LYPD6: variants seen among roughly 807,000 people sequenced by gnomAD.
LYPD6 encodes ly6/PLAUR domain-containing protein 6.
A neutral mutation model predicts 22.7 loss-of-function variants in LYPD6; 15 were observed. The ratio of observed to expected loss-of-function variants is 0.66; its 90% CI spans 0.44 to 1.02. LYPD6 has a LOEUF of 1.02. Ranked by LOEUF, LYPD6 falls within the 50% of genes least tolerant of loss-of-function variation. The probability of loss-of-function intolerance (pLI) is 0.00; values close to 1 mark genes in which losing one functional copy is unlikely to be tolerated. For synonymous variants in LYPD6, 72 were observed against 77.5 expected, an observed-to-expected ratio of 0.93 and a Z score of 0.37; for missense variants, 189 against 208.4, an observed-to-expected ratio of 0.91 and a Z score of 0.57.
rs115999921 is a variant in LYPD6, at chr2:149,376,111, C to G, written c.-72+45389C>G. Among the ~76,000 whole-genome samples, 904 of 152,268 alleles carry G rather than the reference C, an allele frequency of 5.9e-3. 5 individuals carry two copies. Among genetic ancestry groups the G allele is most frequent in the African/African-American group, 0.021 (862 of 41,550 alleles). The stretch of plus-strand genomic sequence containing the variant: ...CATGGAAACCGCCTCAGAGCTGAAA[C>G]AACAGAAGCTGAAGTTGAGCAGTGT... On this transcript the variant is annotated intron_variant, in intron 1 of 4. Transcript: ENST00000334166.
chr2:149,415,290 A>G (rs1056013135), intron 1 of LYPD6, among the ~76,000 whole-genome samples: 3 of 152,200 alleles, frequency 2.0e-5, no homozygotes, highest in African/African-American at 7.2e-5. Flanking sequence ...TCTCGTCCTT[A>G]GACTGGCTGC....
chr2:149,400,922 A>G (rs778804492), intron 1 of LYPD6, among the ~76,000 whole-genome samples: 2 of 152,240 alleles, frequency 1.3e-5, no homozygotes, highest in Non-Finnish European at 2.9e-5. Flanking sequence ...AGCTGAAAGC[A>G]GGTATGAAAG....
At chr2:149,453,595 A>C (rs1172834253) in intron 3 of LYPD6, among the ~76,000 whole-genome samples, 1 of 152,230 alleles carries the variant, frequency 6.6e-6, no homozygotes, top group African/African-American at 2.4e-5. Flanking sequence ...AAAGTAAAGA[A>C]AAAGCTGGAC....
intron 1 of LYPD6, among the ~76,000 whole-genome samples, chr2:149,422,229 C>T (rs1395336692): frequency 6.6e-6 from 1 of 152,158 alleles, no homozygotes; most frequent in Non-Finnish European, 1.5e-5. Flanking sequence ...GCCCTTTAAA[C>T]TAGAGGTTTT....
intron 1 of LYPD6, among the ~76,000 whole-genome samples, chr2:149,412,491 A>G (rs141023565): frequency 3.3e-5 from 5 of 151,948 alleles, no homozygotes; most frequent in Non-Finnish European, 7.4e-5. Flanking sequence ...ATTTTTTTTA[A>G]TACAGATTTT....
At chr2:149,379,873 A>G (rs75860931) in intron 1 of LYPD6, among the ~76,000 whole-genome samples, 4,903 of 152,372 alleles carry the variant, frequency 0.032, 118 homozygotes, top group East Asian at 0.053. Flanking sequence ...AATCTGCAGC[A>G]TGGGTGAAAC....
intron 1 of LYPD6, among the ~76,000 whole-genome samples, chr2:149,382,046 C>T (rs1249800942): frequency 6.6e-6 from 1 of 152,110 alleles, no homozygotes; most frequent in East Asian, 1.9e-4. Flanking sequence ...TTGAGTTTCA[C>T]CATTTTTCAG....
rs191920608 is a variant in LYPD6, at chr2:149,345,240, T to C, written c.-72+14518T>C. Among the ~76,000 whole-genome samples, 1,330 of 152,196 alleles carry C rather than the reference T, an allele frequency of 8.7e-3. 5 individuals carry two copies. The highest frequency in any genetic ancestry group is 0.014 in the Admixed American group (212 of 15,280). ...ATCTACAGGTAACCTACAGGTAATC[T>C]ATAGCAGACATCTTACTGTAGGCTA... On this transcript the variant is annotated intron_variant, in intron 1 of 4. Transcript: ENST00000334166.
At chr2:149,377,325 A>T (rs1379934736) in intron 1 of LYPD6, among the ~76,000 whole-genome samples, 1 of 150,984 alleles carries the variant, frequency 6.6e-6, no homozygotes, top group East Asian at 1.9e-4. Flanking sequence ...AAAAAAAAAC[A>T]CAACTGCCAA....
At chr2:149,383,512 A>G (rs557918483) in intron 1 of LYPD6, among the ~76,000 whole-genome samples, 3 of 152,270 alleles carry the variant, frequency 2.0e-5, no homozygotes, top group African/African-American at 7.2e-5. Context: ...GTACAGTCCA[A>G]AGATGAAACT....
At chr2:149,476,642 G>T (rs1342819009), downstream of LYPD6, among the ~76,000 whole-genome samples, 1 of 152,208 alleles carries the variant, frequency 6.6e-6, no homozygotes, top group Admixed American at 6.5e-5. Context: ...GATGCAAAGA[G>T]AAGGGCTAAA....
chr2:149,413,790 G>T (rs1682902982), intron 1 of LYPD6, among the ~76,000 whole-genome samples: 1 of 152,186 alleles, frequency 6.6e-6, no homozygotes, highest in Non-Finnish European at 1.5e-5. Context: ...CCTGGCAATT[G>T]ATTTGCTATG....
chr2:149,409,739 C>CA (rs1199887207), intron 1 of LYPD6, among the ~76,000 whole-genome samples: 1 of 152,072 alleles, frequency 6.6e-6, no homozygotes, highest in Non-Finnish European at 1.5e-5. Context: ...AGAAAGCTGG[C>CA]AGTCACTGGC....
intron 1 of LYPD6, among the ~76,000 whole-genome samples, chr2:149,371,505 G>A (rs1681808882): frequency 6.6e-6 from 1 of 152,220 alleles, no homozygotes; most frequent in Admixed American, 6.5e-5. Flanking sequence ...AGGATGGGAT[G>A]ATGGTGATGT....
At chr2:149,346,292 T>G (rs963304884) in intron 1 of LYPD6, among the ~76,000 whole-genome samples, 2 of 152,198 alleles carry the variant, frequency 1.3e-5, no homozygotes, top group Admixed American at 1.3e-4. Flanking sequence ...TTATTGTACA[T>G]AAAAGTTTTT....
At chr2:149,350,900 G>T (rs763371319) in intron 1 of LYPD6, among the ~76,000 whole-genome samples, 5 of 152,178 alleles carry the variant, frequency 3.3e-5, no homozygotes, top group Non-Finnish European at 5.9e-5. Context: ...CCTGGTGAGT[G>T]TCCACAGGCA....
At chr2:149,438,390 G>C (rs1683483038) in intron 2 of LYPD6, among the ~76,000 whole-genome samples, 1 of 152,200 alleles carries the variant, frequency 6.6e-6, no homozygotes, top group Admixed American at 6.5e-5. Flanking sequence ...CATTCAGCAA[G>C]AACTTCAAGT....
At chr2:149,480,050 C>T in the LYPD6 span, among the ~76,000 whole-genome samples, 3 of 148,590 alleles carry the variant, frequency 2.0e-5, no homozygotes, top group Admixed American at 6.7e-5. Flanking sequence ...GATGGAGTTT[C>T]GCTCTTGTCA....
chr2:149,433,313 A>G (rs368397985), intron 1 of LYPD6, among the ~76,000 whole-genome samples: 38 of 152,348 alleles, frequency 2.5e-4, no homozygotes, highest in African/African-American at 8.9e-4. Context: ...ATATCTTGTA[A>G]TGAATGAAAT....
Sources: gnomAD v4.1 joint callset for allele counts (sites outside exome capture counted in the v4.1 genomes callset) on GRCh38, gnomAD v4.1.1 for gene constraint, MANE v1.5 for transcripts, NCBI Gene and HGNC (gene_info 2026-07-23, HGNC 2026-07-21) for gene names.